The following PPP1R13L variants were observed in gnomAD, a reference collection of about 807,000 sequenced individuals.
The protein encoded by PPP1R13L is protein phosphatase 1 regulatory subunit 13 like.
PPP1R13L carries 50 observed loss-of-function variants against 80.9 expected under a neutral mutation model. That is an observed-to-expected ratio of 0.62 (90% CI 0.49 to 0.78). The LOEUF is 0.78. PPP1R13L is among the 30% of genes least tolerant of loss of function. The probability of loss-of-function intolerance (pLI) is 0.00; values close to 1 mark genes in which losing one functional copy is unlikely to be tolerated. For synonymous variants in PPP1R13L, 602 were observed against 534.3 expected (o/e 1.13, Z -1.75); for missense variants, 1,200 against 1,205.9 (o/e 1.00, Z 0.07).
chr19:45,391,777 G>T, intron 8 of PPP1R13L, 103 bp downstream of exon 8: 1 of 905,714 alleles, frequency 1.1e-6, no homozygotes, highest in Non-Finnish European at 1.5e-6. Flanking sequence ...CAAAAGAGGA[G>T]AAAACTTCGA....
chr19:45,400,359 TAGC>T lies in PPP1R13L; in HGVS notation c.-21-2023_-21-2021del, dbSNP rs1439783998. The stretch of plus-strand genomic sequence containing the variant: ...GCCAGCACCATCCCTATCCCCATGC[TAGC>T]CACCACACCCACCAGCTCTGCCACC... On this transcript the variant is annotated intron_variant, in intron 1 of 12. Transcript: ENST00000360957. Among the ~76,000 whole-genome samples, 20 of 151,912 alleles carry T rather than the reference TAGC, an allele frequency of 1.3e-4. 1 individual carries two copies.
At chr19:45,383,918 C>T (rs1189771019) in intron 11 of PPP1R13L, among the ~76,000 whole-genome samples, 1 of 151,896 alleles carries the variant, frequency 6.6e-6, no homozygotes, top group South Asian at 2.1e-4. Context: ...CACGCCGCTA[C>T]ACCCGGCTAA....
chr19:45,387,248 A>ATGT (rs1368835104), intron 8 of PPP1R13L, among the ~76,000 whole-genome samples: 8 of 152,094 alleles, frequency 5.3e-5, no homozygotes, highest in African/African-American at 1.7e-4. Flanking sequence ...AGCCTGGGCA[A>ATGT]CAGAGTGAGA....
In PPP1R13L at chr19:45,396,346, C is replaced by A; in HGVS notation, c.803G>T (p.Ser268Ile). Residue 268 changes from serine (S) to isoleucine (I), a missense_variant, in exon 5 of 13, where the codon AGC becomes ATC. This residue lies in a region of PPP1R13L where 764 missense variants were observed against 714.5 expected (regional missense o/e 1.07). Coordinates refer to ENST00000360957, the MANE Select transcript of PPP1R13L (RefSeq NM_006663.4). This position sits in a 1 kb window ranked among gnomAD's most constrained non-coding sequence, Gnocchi z 5.3. ...AYEKKPSQTA[S>I]YERLDVFARP... is the part of the protein sequence containing the mutation. ...GGGCCTCCACCACTCACGTTCATAG[C>A]TCGCTGTCTGCGAAGGCTTCTTCTC... 1 of 1,614,152 alleles carries A rather than the reference C, an allele frequency of 6.2e-7. No individual in the cohort carries two copies. The highest frequency in any genetic ancestry group is 8.5e-7 in the Non-Finnish European group (1 of 1,180,016).
At chr19:45,401,152 G>A (rs1384363736) in intron 1 of PPP1R13L, among the ~76,000 whole-genome samples, 1 of 151,104 alleles carries the variant, frequency 6.6e-6, no homozygotes, top group Admixed American at 6.6e-5. Context: ...AGGAGCTCGA[G>A]ACCATCCTGG....
At position 45,395,710 on chromosome 19, in the gene PPP1R13L, C is replaced by T; in HGVS notation, c.1080G>A (p.Gln360=). ...GACGCTGGCGCGGGGCCCCGCGGGGCTGGGGGCTGGAGGGGGGCATGGGGA... is the reference window on the plus strand; with the variant it reads ...GACGCTGGCGCGGGGCCCCGCGGGGTTGGGGGCTGGAGGGGGGCATGGGGA... ...SRIPMPPSSP[Q]PRGAPRQRPI... The change falls in exon 7 of 13, where the codon CAG becomes CAA. Residue 360 remains glutamine (Q), a synonymous_variant. Coordinates refer to ENST00000360957, the MANE Select transcript of PPP1R13L (RefSeq NM_006663.4). 1.6e-6 allele frequency: 2 copies of T among 1,246,050 alleles called. No homozygotes were observed. The highest frequency in any genetic ancestry group is 2.0e-6 in the Non-Finnish European group (2 of 993,186). 77.2% of individuals were successfully genotyped at this position (1,246,050 alleles called of 1,614,324 possible).
Position 45,395,851 on chromosome 19 carries a change from G to A in PPP1R13L, c.939C>T (p.Tyr313=), listed in dbSNP as rs912814620. 4 of 1,597,482 alleles carry A rather than the reference G, an allele frequency of 2.5e-6. No homozygotes were observed. In the African/African-American group the frequency reaches 5.4e-5, roughly 21 times the overall value. The change falls in exon 7 of 13, where the codon TAC becomes TAT. Residue 313 remains tyrosine, a synonymous_variant. Coordinates refer to ENST00000360957, the MANE Select transcript of PPP1R13L (RefSeq NM_006663.4). Reference sequence around the variant, plus strand: ...GGTCGCTGGCCAGAGGAGAGACCTTGTAATTGCGCGGCAGGGTGGCGCTAG... The same window carrying A: ...GGTCGCTGGCCAGAGGAGAGACCTTATAATTGCGCGGCAGGGTGGCGCTAG... ...NLTSATLPRN[Y]KVSPLASDRR... is the part of the protein sequence containing the mutation.
At chr19:45,395,917 G>A (rs918650836) in intron 6 of PPP1R13L, 31 bp from the exon 7 acceptor site, 15 of 1,526,004 alleles carry the variant, frequency 9.8e-6, no homozygotes, top group Non-Finnish European at 1.3e-5. Flanking sequence ...AAGGGGATCG[G>A]GTGAGAGAGG....
At chr19:45,383,939 A>G (rs935773378) in intron 11 of PPP1R13L, among the ~76,000 whole-genome samples, 2 of 151,378 alleles carry the variant, frequency 1.3e-5, no homozygotes, top group African/African-American at 4.9e-5. Flanking sequence ...ATTGTTTTAT[A>G]TTTTTAATAG....
At chr19:45,400,123 T>A (rs993615030) in intron 1 of PPP1R13L, among the ~76,000 whole-genome samples, 5 of 152,088 alleles carry the variant, frequency 3.3e-5, no homozygotes, top group African/African-American at 1.2e-4. Context: ...CACACCCGCA[T>A]CTAACTTATT....
At chr19:45,391,778 A>G in intron 8 of PPP1R13L, 102 bp downstream of exon 8, 1 of 907,904 alleles carries the variant, frequency 1.1e-6, no homozygotes, top group Non-Finnish European at 1.5e-6. Flanking sequence ...AAAAGAGGAG[A>G]AAACTTCGAT....
chr19:45,392,244 A>G lies in PPP1R13L; in HGVS notation c.1451T>C (p.Val484Ala). The G allele has an allele frequency of 6.2e-7, 1 of 1,613,194 alleles. No individual in the cohort carries two copies. The highest frequency in any genetic ancestry group is 8.5e-7 in the Non-Finnish European group (1 of 1,179,820). ...CCTCGTGGGGCTGAGAGGCCTTGCT[A>G]CAGGGCCTTCATCCACATCGCCAGC... is the stretch of plus-strand genomic sequence containing the variant. ...LEAGDVDEGP[V>A]ARPLSPTRLQ... Residue 484 changes from valine (V) to alanine (A), a missense_variant, in exon 8 of 13, where the codon GTA becomes GCA. Val to Ala is a moderately conservative substitution (Grantham distance 64, BLOSUM62 0). Transcript: ENST00000360957.
Position 45,398,149 on chromosome 19 carries a change from T to G in PPP1R13L, c.56-2A>C. ...GATCCATGTGTTTCATGGCCAGCGC[T>G]GGGAAGGTGGGAGTGGAGGTAAGGA... On this transcript the variant is annotated splice_acceptor_variant, in intron 2 of 12. Transcript: ENST00000360957. LOFTEE classifies it high-confidence loss of function. 6.2e-7 allele frequency: 1 copy of G among 1,613,654 alleles called. No homozygotes were observed. Among genetic ancestry groups the G allele is most frequent in the East Asian group, 2.2e-5 (1 of 44,858 alleles).
chr19:45,386,578 A>T (rs1210433778), intron 8 of PPP1R13L, among the ~76,000 whole-genome samples: 7 of 151,208 alleles, frequency 4.6e-5, no homozygotes, highest in African/African-American at 1.7e-4. Flanking sequence ...TTCATTCCGG[A>T]TGTTTGGAAT....
rs1973083737 is a variant in PPP1R13L, at chr19:45,396,114, C to T, written c.903+54G>A. The T allele has an allele frequency of 1.3e-6, 2 of 1,536,874 alleles. No homozygotes were observed. Among genetic ancestry groups the T allele is most frequent in the South Asian group, 1.2e-5 (1 of 84,088 alleles). On this transcript the variant is annotated intron_variant, in intron 6 of 12. Transcript: ENST00000360957. This position sits in a 1 kb window ranked among gnomAD's most constrained non-coding sequence, Gnocchi z 5.3. ...GAGACTGGCCTTGACCCCGCTCCCC[C>T]ACCCCACTCCTCGACCTTCCCCAGC...
chr19:45,391,683 G>A (rs1259089059), intron 8 of PPP1R13L, among the ~76,000 whole-genome samples, 197 bp downstream of exon 8: 1 of 152,206 alleles, frequency 6.6e-6, no homozygotes, highest in African/African-American at 2.4e-5. Context: ...CCGATGGATG[G>A]CAGAGCCCCA....
At chr19:45,404,327 C>A (rs1366526819) in intron 1 of PPP1R13L, among the ~76,000 whole-genome samples, 4 of 152,176 alleles carry the variant, frequency 2.6e-5, no homozygotes, top group Non-Finnish European at 5.9e-5. Context: ...CCAGGGGGTG[C>A]CCTAGGGCGG....
chr19:45,398,228 C>T, intron 2 of PPP1R13L, 36 bp downstream of exon 2: 1 of 1,613,432 alleles, frequency 6.2e-7, no homozygotes, highest in Non-Finnish European at 8.5e-7. Flanking sequence ...TGCCGAGGTC[C>T]CCGCCTCGCC....
In PPP1R13L at chr19:45,391,875, C is replaced by G. The variant is rs750774581; in HGVS notation, c.1815+5G>C. On this transcript the variant is annotated splice_donor_5th_base_variant and intron_variant, in intron 8 of 12. Transcript: ENST00000360957. ...CATACCCCGGTTTCCTCCTGTATTA[C>G]TTACCATGCTCTGCGGCTGCTCTGG... is the stretch of plus-strand genomic sequence containing the variant. 5 of 1,471,662 alleles carry G rather than the reference C, an allele frequency of 3.4e-6. No homozygotes were observed. Among genetic ancestry groups the G allele is most frequent in the Non-Finnish European group, 4.5e-6 (5 of 1,116,692 alleles). The allele number at this position is 1,471,662 out of a possible 1,614,324, so 91.2% of individuals were successfully genotyped here.
Sources: gnomAD v4.1 joint callset for allele counts (sites outside exome capture counted in the v4.1 genomes callset) on GRCh38, gnomAD v4.1.1 for gene constraint, gnomAD v4.1.1 regional missense constraint, Gnocchi (gnomAD v3.1) non-coding constraint, MANE v1.5 for transcripts, NCBI Gene and HGNC (gene_info 2026-07-23, HGNC 2026-07-21) for gene names.